The following ZNF521 variants were observed in gnomAD, a reference collection of about 807,000 sequenced individuals.
ZNF521 encodes the protein LYST-interacting protein 3.
Under a neutral mutation model 105.5 loss-of-function variants are expected in ZNF521, and 14 were observed. That is an observed-to-expected ratio of 0.13 (90% confidence interval 0.09 to 0.21). The LOEUF is 0.21. Ranked by LOEUF, ZNF521 falls within the 10% of genes least tolerant of loss-of-function variation. The probability of loss-of-function intolerance (pLI) is 1.00; values close to 1 mark genes in which losing one functional copy is unlikely to be tolerated. For missense variants in ZNF521, 1,233 were observed against 1,629.7 expected (o/e 0.76, Z 4.19); for synonymous variants, 635 against 606.0 (o/e 1.05, Z -0.70).
intron 3 of ZNF521, among the ~76,000 whole-genome samples, chr18:25,288,225 G>A (rs1458635040): frequency 6.6e-6 from 1 of 152,172 alleles, no homozygotes; most frequent in Admixed American, 6.5e-5. Context: ...GGGACAGTAA[G>A]CACTGATACT....
chr18:25,133,642 T>TA (rs1417601980), intron 5 of ZNF521, among the ~76,000 whole-genome samples: 2 of 152,160 alleles, frequency 1.3e-5, no homozygotes, highest in Admixed American at 6.6e-5. Context: ...CATACAAAAA[T>TA]AAACTTTATT....
At position 25,350,496 on chromosome 18, in the gene ZNF521, G is replaced by C. The variant is rs73399205; in HGVS notation, c.40+411C>G. 6.4e-3 allele frequency among the ~76,000 whole-genome samples: 981 copies of C among 152,296 alleles called. 5 individuals are homozygous for C. Among genetic ancestry groups the C allele is most frequent in the Middle Eastern group, 0.017 (5 of 294 alleles). On this transcript the variant is annotated intron_variant, in intron 2 of 7. Coordinates refer to ENST00000361524, the MANE Select transcript of ZNF521 (RefSeq NM_015461.3). ...TCTTCTTCCAAAGAAAAGGAAAAAAGAAGCACCGCACGGTTTTGCATATTT... is the reference window on the plus strand; with the variant it reads ...TCTTCTTCCAAAGAAAAGGAAAAAACAAGCACCGCACGGTTTTGCATATTT...
chr18:25,200,850 G>A (rs1224400817), intron 4 of ZNF521: 1 of 151,744 alleles, frequency 6.6e-6, no homozygotes, highest in Non-Finnish European at 1.5e-5. Context: ...GCTTGGATTT[G>A]CTTCATAATT....
rs996294795 is a variant in ZNF521 at position 25,176,769 on chromosome 18, C to T, written c.3658+18391G>A. Among the ~76,000 whole-genome samples, 6 of 152,338 alleles carry T rather than the reference C, an allele frequency of 3.9e-5. No homozygotes were observed. In the East Asian group the frequency reaches 9.6e-4, roughly 24 times the overall value. ...ACCAGCTTGCCCAAGTCGGCCGCCCCGGTGTTGCTTTCCTTACAGAATAAA... is the reference window on the plus strand; with the variant it reads ...ACCAGCTTGCCCAAGTCGGCCGCCCTGGTGTTGCTTTCCTTACAGAATAAA... On this transcript the variant is annotated intron_variant, in intron 5 of 7. Coordinates refer to ENST00000361524, the MANE Select transcript of ZNF521 (RefSeq NM_015461.3).
At chr18:25,195,283 G>A in intron 4 of ZNF521, 39 bp from the exon 5 acceptor site, 1 of 1,434,904 alleles carries the variant, frequency 7.0e-7, no homozygotes. Flanking sequence ...TTAGACACAT[G>A]GACTTTTAAT....
chr18:25,062,889 C>T, intron 7 of ZNF521, 148 bp from the exon 8 acceptor site: 1 of 807,762 alleles, frequency 1.2e-6, no homozygotes, highest in African/African-American at 1.8e-5. Flanking sequence ...TGAGTTTCTG[C>T]CCTCTGATGA....
chr18:25,311,051 T>A (rs1331465175), intron 3 of ZNF521, among the ~76,000 whole-genome samples: 2 of 152,124 alleles, frequency 1.3e-5, no homozygotes, highest in East Asian at 3.9e-4. Flanking sequence ...ATCGATCAAT[T>A]TCCCCTGAAG....
intron 3 of ZNF521, among the ~76,000 whole-genome samples, chr18:25,263,230 C>T (rs1909029240): frequency 6.6e-6 from 1 of 152,146 alleles, no homozygotes; most frequent in Non-Finnish European, 1.5e-5. Context: ...AATTTAGCTC[C>T]CAGTGCCTGG....
At chr18:25,186,093 A>G (rs66521177) in intron 5 of ZNF521, among the ~76,000 whole-genome samples, 21,737 of 152,210 alleles carry the variant, frequency 0.14, 2,001 homozygotes, top group East Asian at 0.31. Flanking sequence ...GTCTGCTGTA[A>G]TTGAAAGTCT....
At chr18:25,150,566 C>T (rs1403084296) in intron 5 of ZNF521, among the ~76,000 whole-genome samples, 1 of 151,988 alleles carries the variant, frequency 6.6e-6, no homozygotes, top group African/African-American at 2.4e-5. Context: ...GGAGAAAAAC[C>T]AAGAGAAGAA....
At chr18:25,216,686 G>A (rs1287002444) in intron 4 of ZNF521, among the ~76,000 whole-genome samples, 1 of 152,070 alleles carries the variant, frequency 6.6e-6, no homozygotes, top group Non-Finnish European at 1.5e-5. Flanking sequence ...AGCCTCCTGA[G>A]TAGCTAGAAC....
chr18:25,308,670 C>G lies in ZNF521; in HGVS notation c.220+13338G>C, dbSNP rs1912129413. Among the ~76,000 whole-genome samples the G allele has an allele frequency of 3.0e-5, 4 of 134,144 alleles. No homozygotes were observed. In the South Asian group the frequency reaches 9.6e-4, roughly 32 times the overall value. The allele number at this position is 134,144 out of a possible 152,430, so 88.0% of individuals were successfully genotyped here. On this transcript the variant is annotated intron_variant, in intron 3 of 7. Transcript: ENST00000361524. ...GACATCCCCCCCCCCCCACCCGCCA[C>G]AGCCCCTCCAAAATTATTTTTTTTC...
In ZNF521 at chr18:25,309,544, A is replaced by C. The variant is rs1191133356; in HGVS notation, c.220+12464T>G. On this transcript the variant is annotated intron_variant, in intron 3 of 7. Transcript: ENST00000361524. ...AAATCTTTCCCTTTAAATGCAGGAT[A>C]ATATATGTAATATTGAATATAAATA... 2.0e-5 allele frequency among the ~76,000 whole-genome samples: 3 copies of C among 152,352 alleles called. No homozygotes were observed. The East Asian group carries it at 5.8e-4, about 29-fold the overall frequency.
chr18:25,137,702 T>A (rs768666002), intron 5 of ZNF521, among the ~76,000 whole-genome samples: 1 of 152,128 alleles, frequency 6.6e-6, no homozygotes, highest in Non-Finnish European at 1.5e-5. Context: ...ACACACTTCC[T>A]AAATCCCAGC....
chr18:25,068,243 G>A (rs2033122273), intron 7 of ZNF521, among the ~76,000 whole-genome samples: 1 of 152,188 alleles, frequency 6.6e-6, no homozygotes, highest in Non-Finnish European at 1.5e-5. Flanking sequence ...TCAACAGATG[G>A]TGACAGCACC....
At chr18:25,343,925 C>T (rs73397296) in intron 2 of ZNF521, among the ~76,000 whole-genome samples, 2,474 of 152,148 alleles carry the variant, frequency 0.016, 19 homozygotes, top group Middle Eastern at 0.024. Context: ...AATCTGACAA[C>T]TAGAGTAGAA....
intron 3 of ZNF521, among the ~76,000 whole-genome samples, chr18:25,255,723 T>C (rs1462214485): frequency 1.3e-5 from 2 of 151,888 alleles, no homozygotes; most frequent in African/African-American, 4.8e-5. Context: ...TCAAGTCTCG[T>C]AACATAGTAT....
chr18:25,280,589 AG>A (rs985058921), intron 3 of ZNF521, among the ~76,000 whole-genome samples: 1 of 152,150 alleles, frequency 6.6e-6, no homozygotes, highest in Non-Finnish European at 1.5e-5. Flanking sequence ...TGGATTCTGA[AG>A]GACTCCAGGC....
chr18:25,115,212 C>T (rs559852807), intron 5 of ZNF521, among the ~76,000 whole-genome samples: 4 of 152,280 alleles, frequency 2.6e-5, no homozygotes, highest in African/African-American at 9.6e-5. Context: ...CTACCGTGGA[C>T]ATAATTTGGG....
Sources: allele counts gnomAD v4.1 joint callset (sites outside exome capture counted in the v4.1 genomes callset), GRCh38; gene constraint gnomAD v4.1.1; transcripts MANE v1.5; gene names NCBI Gene and HGNC (gene_info 2026-07-23, HGNC 2026-07-21).